The following ZFHX3 variants were observed in gnomAD, a reference collection of about 807,000 sequenced individuals.
ZFHX3 encodes the protein zinc finger homeobox protein 3.
ZFHX3 carries 42 observed loss-of-function variants against 279.1 expected under a neutral mutation model. The ratio of observed to expected loss-of-function variants is 0.15; its 90% CI spans 0.12 to 0.19. ZFHX3 has a LOEUF of 0.19. Among genes scored for constraint, ZFHX3 ranks in the 10% least tolerant of loss-of-function variants. The pLI is 1.00. For synonymous variants in ZFHX3, 2,293 were observed against 1,957.8 expected, an observed-to-expected ratio of 1.17 and a Z score of -4.52; for missense variants, 4,981 against 4,754.0, an observed-to-expected ratio of 1.05 and a Z score of -1.40.
At chr16:73,027,135 A>C (rs1391977459) in intron 1 of ZFHX3, among the ~76,000 whole-genome samples, 1 of 152,240 alleles carries the variant, frequency 6.6e-6, no homozygotes, top group African/African-American at 2.4e-5. Flanking sequence ...AATCGTATTC[A>C]TCTTCTGATT....
chr16:73,672,869 C>G (rs1474678002), intron 2 of ZFHX3, among the ~76,000 whole-genome samples: 1 of 152,032 alleles, frequency 6.6e-6, no homozygotes, highest in Non-Finnish European at 1.5e-5. Context: ...TTCAAAGCGA[C>G]ATTATTTTTA....
intron 4 of ZFHX3, among the ~76,000 whole-genome samples, chr16:73,297,323 C>T (rs1409391857): frequency 1.3e-5 from 2 of 151,930 alleles, no homozygotes; most frequent in African/African-American, 4.9e-5. Flanking sequence ...TAATGAAGAG[C>T]CCTCTTATGT....
chr16:73,093,589 C>T (rs775165748), exon 8 of ZFHX3: 17 of 511,810 alleles, frequency 3.3e-5, no homozygotes, highest in South Asian at 5.8e-5. Flanking sequence ...TTGGGCTAAC[C>T]GGTCGTCTCC....
At chr16:73,495,732 T>C (rs1244149338) in intron 2 of ZFHX3, among the ~76,000 whole-genome samples, 3 of 152,162 alleles carry the variant, frequency 2.0e-5, no homozygotes, top group Non-Finnish European at 4.4e-5. Flanking sequence ...TCTTAGGACC[T>C]TGACAAGACG....
intron 4 of ZFHX3, among the ~76,000 whole-genome samples, chr16:72,854,950 G>C (rs2037719139): frequency 7.3e-6 from 1 of 136,478 alleles, no homozygotes; most frequent in Non-Finnish European, 1.6e-5. Context: ...GGGGGGGGGT[G>C]TCAAATGGAA....
chr16:73,834,746 C>G (rs1961091483), intron 1 of ZFHX3, among the ~76,000 whole-genome samples: 1 of 152,168 alleles, frequency 6.6e-6, no homozygotes, highest in Non-Finnish European at 1.5e-5. Flanking sequence ...CAAAATTTAG[C>G]TGGGCATGGT....
At chr16:73,537,465 T>C (rs1318411174) in intron 2 of ZFHX3, among the ~76,000 whole-genome samples, 1 of 152,012 alleles carries the variant, frequency 6.6e-6, no homozygotes, top group African/African-American at 2.4e-5. Context: ...TACAGGCACG[T>C]GCTGCCACGC....
Position 72,950,636 on chromosome 16 carries a change from G to A in ZFHX3, c.3049C>T (p.His1017Tyr). ...KHVQKYQLVAHIKEGGKANEW... is the reference protein window; with the variant it reads ...KHVQKYQLVAYIKEGGKANEW... ...TTGGCCTTGCCGCCCTCCTTGATGT[G>A]GGCCACCAGCTGGTACTTCTGCACG... Residue 1017 changes from histidine to tyrosine, a missense_variant, in exon 3 of 10, where the codon CAC becomes TAC. Transcript: ENST00000268489. 6.2e-7 allele frequency: 1 copy of A among 1,614,208 alleles called. No homozygotes were observed. Among genetic ancestry groups the A allele is most frequent in the East Asian group, 2.2e-5 (1 of 44,880 alleles).
At chr16:72,881,195 T>C (rs895971916) in intron 4 of ZFHX3, among the ~76,000 whole-genome samples, 4 of 152,230 alleles carry the variant, frequency 2.6e-5, no homozygotes, top group Non-Finnish European at 4.4e-5. Context: ...ATGAGCCCCA[T>C]GGCACTATTA....
chr16:73,347,276 C>T (rs570848364), intron 3 of ZFHX3, among the ~76,000 whole-genome samples: 2 of 152,362 alleles, frequency 1.3e-5, no homozygotes, highest in African/African-American at 4.8e-5. Flanking sequence ...TATCCTCAGC[C>T]CGGAGGGAAT....
In ZFHX3 at chr16:72,864,340, A is replaced by G. The variant is rs981615465; in HGVS notation, c.3448+25391T>C. Reference sequence around the variant, plus strand: ...CTAGGGCTTTGAAGATACCTGGCACATGGGAAGCTTCATTAAATACACATT... The same window carrying G: ...CTAGGGCTTTGAAGATACCTGGCACGTGGGAAGCTTCATTAAATACACATT... On this transcript the variant is annotated intron_variant, in intron 4 of 9. Coordinates refer to ENST00000268489, the MANE Select transcript of ZFHX3 (RefSeq NM_006885.4). 1.1e-4 allele frequency among the ~76,000 whole-genome samples: 16 copies of G among 152,296 alleles called. 1 individual carries two copies. Among genetic ancestry groups the G allele is most frequent in the East Asian group, 5.8e-4 (3 of 5,186 alleles).
intron 2 of ZFHX3, among the ~76,000 whole-genome samples, chr16:73,531,618 G>C (rs2019804272): frequency 6.6e-6 from 1 of 150,684 alleles, no homozygotes; most frequent in Non-Finnish European, 1.5e-5. Context: ...AGGAGGCTGA[G>C]GCAGGAGGAT....
chr16:72,856,429 G>GGCCA (rs1212972769), intron 4 of ZFHX3, among the ~76,000 whole-genome samples: 3 of 152,334 alleles, frequency 2.0e-5, no homozygotes, highest in East Asian at 1.9e-4. Context: ...TCAAAGCACA[G>GGCCA]GCCAGGTGCA....
At chr16:72,909,114 G>A (rs992877477) in intron 3 of ZFHX3, among the ~76,000 whole-genome samples, 9 of 152,178 alleles carry the variant, frequency 5.9e-5, no homozygotes, top group African/African-American at 1.9e-4. Context: ...AGAGCCTACC[G>A]AGCTGACAAC....
intron 2 of ZFHX3, among the ~76,000 whole-genome samples, chr16:73,493,283 C>T (rs756839902): frequency 3.2e-4 from 48 of 152,298 alleles, no homozygotes; most frequent in Admixed American, 8.5e-4. Flanking sequence ...CATATATGCA[C>T]ACAGATTCAC....
intron 1 of ZFHX3, among the ~76,000 whole-genome samples, chr16:72,980,089 C>A (rs568983947): frequency 6.6e-6 from 1 of 152,336 alleles, no homozygotes; most frequent in African/African-American, 2.4e-5. Context: ...GCTAGTCTCA[C>A]TGTTTCCACT....
At chr16:73,399,922 T>C (rs944979242) in intron 3 of ZFHX3, among the ~76,000 whole-genome samples, 1 of 151,734 alleles carries the variant, frequency 6.6e-6, no homozygotes, top group Non-Finnish European at 1.5e-5. Flanking sequence ...ATGGAGTTAT[T>C]GCATTACTGC....
At chr16:73,863,036 C>T (rs1961922793) in intron 1 of ZFHX3, among the ~76,000 whole-genome samples, 1 of 152,038 alleles carries the variant, frequency 6.6e-6, no homozygotes, top group Middle Eastern at 3.2e-3. Flanking sequence ...GAAACCCCTT[C>T]TCTACTAAAA....
At chr16:72,967,931 A>AG (rs1420007950) in intron 1 of ZFHX3, among the ~76,000 whole-genome samples, 1 of 151,512 alleles carries the variant, frequency 6.6e-6, no homozygotes, top group Admixed American at 6.6e-5. Flanking sequence ...CCATCTAAAA[A>AG]AAAAAAAAAA....
Sources: allele counts gnomAD v4.1 joint callset (sites outside exome capture counted in the v4.1 genomes callset), GRCh38; gene constraint gnomAD v4.1.1; transcripts MANE v1.5; gene names NCBI Gene and HGNC (gene_info 2026-07-23, HGNC 2026-07-21).